The following PIP4K2A variants were observed in gnomAD, a reference collection of about 807,000 sequenced individuals.
PIP4K2A encodes the protein phosphatidylinositol-5-phosphate 4-kinase type 2 alpha.
In PIP4K2A, 14 loss-of-function variants were observed where a neutral mutation model predicts 42.9. That is an observed-to-expected ratio of 0.33 (90% CI 0.22 to 0.51). The LOEUF (loss-of-function observed/expected upper bound fraction) is 0.51. PIP4K2A is among the 20% of genes least tolerant of loss of function. The pLI is 0.97. For missense variants in PIP4K2A, 434 were observed against 519.8 expected (o/e 0.83, Z 1.61); for synonymous variants, 192 against 192.2 (o/e 1.00, Z 0.01).
intron 5 of PIP4K2A, chr10:22,569,093 C>T (rs1343733422): frequency 2.3e-5 from 33 of 1,460,884 alleles, no homozygotes; most frequent in Non-Finnish European, 2.9e-5. Context: ...TGGCTTTCAT[C>T]GAGCAGCTCA....
intron 1 of PIP4K2A, among the ~76,000 whole-genome samples, chr10:22,626,307 G>A (rs1838436377): frequency 6.6e-6 from 1 of 151,952 alleles, no homozygotes; most frequent in African/African-American, 2.4e-5. Context: ...CTCATATACT[G>A]AATTAATCAT....
intron 1 of PIP4K2A, among the ~76,000 whole-genome samples, chr10:22,692,509 C>T (rs1221503699): frequency 6.6e-6 from 1 of 152,042 alleles, no homozygotes; most frequent in African/African-American, 2.4e-5. Flanking sequence ...AGAACTAGGG[C>T]AGGGTGGGAT....
chr10:22,626,479 T>C (rs1564447944), intron 1 of PIP4K2A, among the ~76,000 whole-genome samples: 1 of 152,258 alleles, frequency 6.6e-6, no homozygotes, highest in African/African-American at 2.4e-5. Context: ...GAGGATATTG[T>C]TTATAAGACA....
chr10:22,690,162 A>C (rs1330362920), intron 1 of PIP4K2A, among the ~76,000 whole-genome samples: 1 of 146,442 alleles, frequency 6.8e-6, no homozygotes. Context: ...ATATTAACTC[A>C]TTTAAACCTC....
chr10:22,611,979 G>A (rs948145112), intron 1 of PIP4K2A, among the ~76,000 whole-genome samples: 2 of 152,178 alleles, frequency 1.3e-5, no homozygotes, highest in African/African-American at 4.8e-5. Context: ...GCTTAAATCA[G>A]TATCACTTAA....
intron 1 of PIP4K2A, among the ~76,000 whole-genome samples, chr10:22,669,185 A>G (rs1050100367): frequency 6.6e-5 from 10 of 152,160 alleles, no homozygotes. Flanking sequence ...TTTGGCTCAC[A>G]AAGAGAATGA....
chr10:22,713,444 TG>T (rs957958090), intron 1 of PIP4K2A, among the ~76,000 whole-genome samples: 3 of 151,142 alleles, frequency 2.0e-5, no homozygotes, highest in Non-Finnish European at 3.0e-5. Context: ...CTCCCCAAAG[TG>T]GGGGGAGGCG....
At chr10:22,607,442 C>A (rs913932821) in intron 3 of PIP4K2A, among the ~76,000 whole-genome samples, 21 of 152,146 alleles carry the variant, frequency 1.4e-4, no homozygotes, top group African/African-American at 4.8e-4. Flanking sequence ...CAGTCCAGCA[C>A]TGCAGTGCAC....
chr10:22,570,909 G>A (rs574363906), intron 5 of PIP4K2A, among the ~76,000 whole-genome samples: 2 of 152,174 alleles, frequency 1.3e-5, no homozygotes, highest in Admixed American at 6.5e-5. Flanking sequence ...AACCTCTGAA[G>A]CCACACATCC....
Position 22,545,204 on chromosome 10 carries a change from C to T in PIP4K2A, c.793-3157G>A, listed in dbSNP as rs148244920. Among the ~76,000 whole-genome samples, 290 of 152,324 alleles carry T rather than the reference C, an allele frequency of 1.9e-3. 3 individuals are homozygous for T. The highest frequency in any genetic ancestry group is 6.8e-3 in the African/African-American group (282 of 41,578). On this transcript the variant is annotated intron_variant, in intron 7 of 9. Transcript: ENST00000376573. ...CCTGCTTCCAGCAGGAAGTAACTAC[C>T]AAAGCCAAATACAAACAACAAAGCA... is the stretch of plus-strand genomic sequence containing the variant.
chr10:22,613,583 G>A (rs889834268), intron 1 of PIP4K2A, among the ~76,000 whole-genome samples: 2 of 152,200 alleles, frequency 1.3e-5, no homozygotes, highest in South Asian at 2.1e-4. Flanking sequence ...AGAGTGAGAA[G>A]CAGGCTGAGG....
rs534552796 is a variant in PIP4K2A, at chr10:22,648,980, T to C, written c.145-39263A>G. ...ATACTTTCAAGAATTAACCCTCTGA[T>C]TTCCCATAAAATACCAGTTTTTAGA... On this transcript the variant is annotated intron_variant, in intron 1 of 9. Transcript: ENST00000376573. 3.9e-5 allele frequency among the ~76,000 whole-genome samples: 6 copies of C among 152,206 alleles called. No individual in the cohort carries two copies. The South Asian group carries it at 1.2e-3, about 31-fold the overall frequency.
At chr10:22,639,759 A>T (rs1393977383) in intron 1 of PIP4K2A, among the ~76,000 whole-genome samples, 1 of 152,204 alleles carries the variant, frequency 6.6e-6, no homozygotes, top group Non-Finnish European at 1.5e-5. Flanking sequence ...AGAAGCATAA[A>T]AGGATTGTTA....
At chr10:22,664,158 TATATATATACATATATATATATAC>T (rs1472175664) in intron 1 of PIP4K2A, among the ~76,000 whole-genome samples, 26 of 68,026 alleles carry the variant, frequency 3.8e-4, no homozygotes, top group Admixed American at 5.2e-4. Context: ...TATACACATA[TATATATATACATATATATATATAC>T]ATATATATAC....
rs116218426 is a variant in PIP4K2A, at chr10:22,652,923, C to T, written c.145-43206G>A. On this transcript the variant is annotated intron_variant, in intron 1 of 9. Coordinates refer to ENST00000376573, the MANE Select transcript of PIP4K2A (RefSeq NM_005028.5). Reference sequence around the variant, plus strand: ...AGCCTGAGTAACATAATGAGACCCCCATCTCCACAAAACCACAAAAATAAG... The same window carrying T: ...AGCCTGAGTAACATAATGAGACCCCTATCTCCACAAAACCACAAAAATAAG... 4.5e-3 allele frequency among the ~76,000 whole-genome samples: 681 copies of T among 152,212 alleles called. 5 individuals are homozygous for T. Among genetic ancestry groups the T allele is most frequent in the African/African-American group, 0.015 (639 of 41,532 alleles).
chr10:22,614,458 C>T (rs1034948923), intron 1 of PIP4K2A, among the ~76,000 whole-genome samples: 1 of 152,090 alleles, frequency 6.6e-6, no homozygotes, highest in Admixed American at 6.6e-5. Context: ...TCCAGGTGGC[C>T]TTTCATTCTT....
At chr10:22,626,665 A>G (rs1401713373) in intron 1 of PIP4K2A, among the ~76,000 whole-genome samples, 1 of 152,338 alleles carries the variant, frequency 6.6e-6, no homozygotes, top group South Asian at 2.1e-4. Flanking sequence ...ACTTCCCGGT[A>G]TAGATACAAA....
chr10:22,556,135 T>C (rs988056596), intron 6 of PIP4K2A, among the ~76,000 whole-genome samples: 1 of 152,214 alleles, frequency 6.6e-6, no homozygotes, highest in African/African-American at 2.4e-5. Context: ...CACTGCACAC[T>C]GCACACAAAC....
At chr10:22,662,514 CA>C (rs1238313889) in intron 1 of PIP4K2A, among the ~76,000 whole-genome samples, 2 of 152,176 alleles carry the variant, frequency 1.3e-5, no homozygotes, top group Non-Finnish European at 2.9e-5. Flanking sequence ...ACGTTTTGCA[CA>C]TAATTAAGGG....
Sources: gnomAD v4.1 joint callset for allele counts (sites outside exome capture counted in the v4.1 genomes callset) on GRCh38, gnomAD v4.1.1 for gene constraint, MANE v1.5 for transcripts, NCBI Gene and HGNC (gene_info 2026-07-23, HGNC 2026-07-21) for gene names.